GPCPD1: variants seen among roughly 807,000 people sequenced by gnomAD.
GPCPD1 encodes glycerophosphocholine phosphodiesterase 1.
Under a neutral mutation model 89.2 loss-of-function variants are expected in GPCPD1, and 29 were observed. The observed-to-expected ratio is 0.33, with a 90% CI of 0.24 to 0.44. The LOEUF is 0.44. Ranked by LOEUF, GPCPD1 falls within the 20% of genes least tolerant of loss-of-function variation. The pLI, the probability that GPCPD1 is intolerant of heterozygous loss-of-function variation, is 1.00. For missense variants in GPCPD1, 594 were observed against 808.9 expected (o/e 0.73, Z 3.22); for synonymous variants, 258 against 266.3 (o/e 0.97, Z 0.30).
chr20:5,573,393 T>G (rs1175774988), intron 11 of GPCPD1, among the ~76,000 whole-genome samples: 1 of 152,178 alleles, frequency 6.6e-6, no homozygotes, highest in African/African-American at 2.4e-5. Flanking sequence ...GCCAGCATTC[T>G]TTTTTGAGAT....
intron 15 of GPCPD1, among the ~76,000 whole-genome samples, chr20:5,562,719 T>C (rs974278195): frequency 2.6e-5 from 4 of 152,232 alleles, no homozygotes; most frequent in Non-Finnish European, 4.4e-5. Flanking sequence ...TCTGGTGACC[T>C]GGCATCTAGC....
At chr20:5,594,154 T>C (rs998117810) in intron 3 of GPCPD1, among the ~76,000 whole-genome samples, 1 of 152,204 alleles carries the variant, frequency 6.6e-6, no homozygotes, top group East Asian at 1.9e-4. Flanking sequence ...ACTAGTGCTA[T>C]CCACAGCATG....
intron 19 of GPCPD1, among the ~76,000 whole-genome samples, chr20:5,553,966 GATT>G: frequency 1.1e-5 from 1 of 87,942 alleles, no homozygotes; most frequent in Non-Finnish European, 2.3e-5. Context: ...TTGAACAACA[GATT>G]TTCTTTTCTT....
intron 15 of GPCPD1, among the ~76,000 whole-genome samples, chr20:5,563,171 G>T (rs1030419232): frequency 6.6e-6 from 1 of 151,912 alleles, no homozygotes; most frequent in African/African-American, 2.4e-5. Flanking sequence ...TAATAGAGAC[G>T]GGGTTTCACA....
At chr20:5,603,380 C>T (rs1056759937) in intron 2 of GPCPD1, among the ~76,000 whole-genome samples, 2 of 152,074 alleles carry the variant, frequency 1.3e-5, no homozygotes, top group African/African-American at 4.8e-5. Context: ...AAAATAGGGC[C>T]AGAACCTAGT....
At chr20:5,601,542 T>C (rs1022026734) in intron 2 of GPCPD1, among the ~76,000 whole-genome samples, 1 of 151,926 alleles carries the variant, frequency 6.6e-6, no homozygotes, top group African/African-American at 2.4e-5. Context: ...CTAATTTTTG[T>C]ATTTTTAGTA....
At chr20:5,558,858 G>T (rs1298933612) in intron 17 of GPCPD1, 39 bp from the exon 18 acceptor site, 5 of 1,465,738 alleles carry the variant, frequency 3.4e-6, no homozygotes, top group Non-Finnish European at 4.6e-6. Context: ...TTCAATGGGG[G>T]GTAACTGTAA....
At chr20:5,589,442 T>C (rs1979169475) in intron 4 of GPCPD1, among the ~76,000 whole-genome samples, 1 of 152,026 alleles carries the variant, frequency 6.6e-6, no homozygotes, top group Non-Finnish European at 1.5e-5. Context: ...AGAAACCTCA[T>C]CTCTACTAAA....
chr20:5,550,418 T>G (rs781451386), intron 19 of GPCPD1, among the ~76,000 whole-genome samples: 1 of 152,040 alleles, frequency 6.6e-6, no homozygotes, highest in East Asian at 1.9e-4. Flanking sequence ...ATCAAAAGAA[T>G]TATTTTTGAA....
chr20:5,604,392 G>A lies in GPCPD1; in HGVS notation c.21C>T (p.Ala7=). ...GTAAAAGAGTTCCTCTTATTTCAAA[G>A]GCAACCTGAGAAGGTGTCATTCTGA... The part of the protein sequence containing the change: MTPSQV[A]FEIRGTLLPG... Residue 7 remains alanine, a synonymous_variant, in exon 2 of 20, where the codon GCC becomes GCT. Transcript: ENST00000379019. The A allele has an allele frequency of 6.4e-7, 1 of 1,564,610 alleles. No homozygotes were observed.
At position 5,547,630 on chromosome 20, in the gene GPCPD1, C is replaced by T. The variant is rs374518148; in HGVS notation, c.*31G>A. 9.4e-5 allele frequency: 120 copies of T among 1,270,076 alleles called. No individual in the cohort carries two copies. The highest frequency in any genetic ancestry group is 1.3e-4 in the Non-Finnish European group (112 of 883,148). 78.7% of individuals were successfully genotyped at this position (1,270,076 alleles called of 1,614,324 possible). On this transcript the variant is annotated 3_prime_UTR_variant, in exon 20 of 20. Coordinates refer to ENST00000379019, the MANE Select transcript of GPCPD1 (RefSeq NM_019593.5). The stretch of plus-strand genomic sequence containing the variant: ...AATGAATACCCAGAACAGCGGTGCA[C>T]GCCCCCAAAATGACCTCTGTGCAAT...
chr20:5,549,198 A>T, intron 19 of GPCPD1: 1 of 678,458 alleles, frequency 1.5e-6, no homozygotes, highest in Non-Finnish European at 2.7e-6. Context: ...GCAGAGATGA[A>T]GGGACCTCAA....
chr20:5,588,811 C>T (rs535239289), intron 4 of GPCPD1, among the ~76,000 whole-genome samples: 2 of 149,664 alleles, frequency 1.3e-5, no homozygotes, highest in South Asian at 2.1e-4. Flanking sequence ...GGCGATAGAG[C>T]GAGACTATGT....
At chr20:5,548,963 T>C in intron 19 of GPCPD1, 1 of 979,328 alleles carries the variant, frequency 1.0e-6, no homozygotes. Flanking sequence ...AGATGGGCAC[T>C]CTGGTTTTTT....
intron 15 of GPCPD1, among the ~76,000 whole-genome samples, chr20:5,562,954 T>C (rs1359641343): frequency 6.6e-6 from 1 of 152,116 alleles, no homozygotes; most frequent in African/African-American, 2.4e-5. Context: ...TATAATGAGA[T>C]TATATTTGGT....
intron 16 of GPCPD1, among the ~76,000 whole-genome samples, chr20:5,560,547 A>G (rs1418647375): frequency 6.6e-6 from 1 of 152,206 alleles, no homozygotes; most frequent in Non-Finnish European, 1.5e-5. Flanking sequence ...TAACTCAATA[A>G]ATATAGCCAA....
rs997821896 is a variant in GPCPD1, at chr20:5,544,840, G to A, written c.*2821C>T. Reference sequence around the variant, plus strand: ...GGGACACTGAAGGAAGGCAAAGGAGGTGTTTCAGACAAGCAAAGCAGTACT... The same window carrying A: ...GGGACACTGAAGGAAGGCAAAGGAGATGTTTCAGACAAGCAAAGCAGTACT... On this transcript the variant is annotated 3_prime_UTR_variant, in exon 20 of 20. Transcript: ENST00000379019. 1.3e-5 allele frequency: 2 copies of A among 152,320 alleles called. No individual in the cohort carries two copies. The highest frequency in any genetic ancestry group is 2.9e-5 in the Non-Finnish European group (2 of 68,118). The allele number at this position is 152,320 out of a possible 1,614,324, so 9.4% of individuals were successfully genotyped here.
At chr20:5,602,239 C>T (rs1191734852) in intron 2 of GPCPD1, among the ~76,000 whole-genome samples, 1 of 152,256 alleles carries the variant, frequency 6.6e-6, no homozygotes, top group Non-Finnish European at 1.5e-5. Context: ...CCATTATCTC[C>T]TTCCCTCTAA....
At chr20:5,609,075 A>G (rs1980781836) in intron 1 of GPCPD1, among the ~76,000 whole-genome samples, 1 of 152,234 alleles carries the variant, frequency 6.6e-6, no homozygotes, top group African/African-American at 2.4e-5. Context: ...GAAGTAAACC[A>G]AGGTAAAGGG....
Sources: gnomAD v4.1 joint callset for allele counts (sites outside exome capture counted in the v4.1 genomes callset) on GRCh38, gnomAD v4.1.1 for gene constraint, MANE v1.5 for transcripts, NCBI Gene and HGNC (gene_info 2026-07-23, HGNC 2026-07-21) for gene names.